The following LMBRD1 variants were observed in gnomAD, a reference collection of about 807,000 sequenced individuals.
The protein encoded by LMBRD1 is lysosomal cobalamin transport escort protein LMBD1.
Under a neutral mutation model 74.8 loss-of-function variants are expected in LMBRD1, and 64 were observed. That is an observed-to-expected ratio of 0.86 (90% CI 0.70 to 1.05). The LOEUF (loss-of-function observed/expected upper bound fraction) is 1.05, where lower values mean the gene tolerates loss of function less well. Among genes scored for constraint, LMBRD1 ranks in the 50% least tolerant of loss-of-function variants. The probability of loss-of-function intolerance (pLI) is 0.00; values close to 1 mark genes in which losing one functional copy is unlikely to be tolerated. For missense variants in LMBRD1, 652 were observed against 645.9 expected, an observed-to-expected ratio of 1.01 and a Z score of -0.10; for synonymous variants, 204 against 216.3, an observed-to-expected ratio of 0.94 and a Z score of 0.50.
In LMBRD1 at chr6:69,716,913, A is replaced by G. The variant is rs995129353; in HGVS notation, c.762+2043T>C. Among the ~76,000 whole-genome samples the G allele has an allele frequency of 9.3e-5, 14 of 151,228 alleles. No individual in the cohort carries two copies. The East Asian group carries it at 2.7e-3, about 29-fold the overall frequency. On this transcript the variant is annotated intron_variant, in intron 8 of 15. Transcript: ENST00000649934. ...TAATTAATTTTAAATATTAAAATACATATGTATTTATATGTACAGGCACAT... is the reference window on the plus strand; with the variant it reads ...TAATTAATTTTAAATATTAAAATACGTATGTATTTATATGTACAGGCACAT...
chr6:69,786,983 G>T (rs978213915), intron 2 of LMBRD1, among the ~76,000 whole-genome samples: 2 of 152,140 alleles, frequency 1.3e-5, no homozygotes, highest in African/African-American at 4.8e-5. Context: ...AATTTCAAAT[G>T]CACACTGTAA....
In LMBRD1 at chr6:69,749,892, ACTCATATATACATATAT is replaced by A. The variant is rs1562111589; in HGVS notation, c.406-501_406-485del. 6.9e-4 allele frequency among the ~76,000 whole-genome samples: 91 copies of A among 131,210 alleles called. 2 individuals are homozygous for A. Among genetic ancestry groups the A allele is most frequent in the African/African-American group, 2.3e-3 (66 of 29,078 alleles). 86.1% of individuals were successfully genotyped at this position (131,210 alleles called of 152,430 possible). A position where few individuals can be genotyped will look rare whatever the true frequency, so the allele number is the denominator to read the frequency against. On this transcript the variant is annotated intron_variant, in intron 4 of 15. Coordinates refer to ENST00000649934, the MANE Select transcript of LMBRD1 (RefSeq NM_018368.4). The stretch of plus-strand genomic sequence containing the variant: ...TATAAGTATATATACACATATACAT[ACTCATATATACATATAT>A]AAGTATATATACACATATACATACT...
chr6:69,749,254 T>C, intron 5 of LMBRD1, 87 bp downstream of exon 5: 3 of 1,062,000 alleles, frequency 2.8e-6, no homozygotes, highest in South Asian at 2.9e-5. Flanking sequence ...TTTTCTTTCC[T>C]AGATTTTTCT....
chr6:69,743,946 T>G (rs912122345), intron 5 of LMBRD1, among the ~76,000 whole-genome samples: 2 of 152,192 alleles, frequency 1.3e-5, no homozygotes, highest in Admixed American at 6.5e-5. Flanking sequence ...ATTGACCAAA[T>G]ATCAGCCCCA....
At chr6:69,743,001 A>C (rs1767137489) in intron 5 of LMBRD1, among the ~76,000 whole-genome samples, 1 of 152,150 alleles carries the variant, frequency 6.6e-6, no homozygotes, top group South Asian at 2.1e-4. Flanking sequence ...AGAGCAATAA[A>C]TGTAGAAAGT....
chr6:69,705,119 A>G (rs1048988852), intron 9 of LMBRD1, among the ~76,000 whole-genome samples: 3 of 152,126 alleles, frequency 2.0e-5, no homozygotes, highest in East Asian at 3.8e-4. Flanking sequence ...TTTAAAAACT[A>G]AACAGGCATT....
intron 7 of LMBRD1, among the ~76,000 whole-genome samples, chr6:69,728,335 A>G (rs1271274259): frequency 6.6e-6 from 1 of 152,222 alleles, no homozygotes; most frequent in African/African-American, 2.4e-5. Flanking sequence ...ATCACAATTC[A>G]ACATGAGATT....
intron 14 of LMBRD1, among the ~76,000 whole-genome samples, chr6:69,678,535 A>G (rs1001792456): frequency 1.3e-5 from 2 of 152,186 alleles, no homozygotes; most frequent in African/African-American, 4.8e-5. Context: ...GCTGCATCTA[A>G]TAGAGGATAC....
chr6:69,777,500 A>G (rs935402332), intron 3 of LMBRD1, among the ~76,000 whole-genome samples: 3 of 151,722 alleles, frequency 2.0e-5, no homozygotes, highest in Non-Finnish European at 4.4e-5. Context: ...TTGGGAGTTC[A>G]GTGCTGCTAA....
intron 2 of LMBRD1, among the ~76,000 whole-genome samples, chr6:69,781,085 C>A (rs1164308864): frequency 6.6e-6 from 1 of 152,064 alleles, no homozygotes; most frequent in South Asian, 2.1e-4. Context: ...ATGCAGAGAG[C>A]AACAAACCTG....
rs1413737072 is a variant in LMBRD1 at position 69,674,036 on chromosome 6, C to T, written c.*2122G>A. Among the ~76,000 whole-genome samples the T allele has an allele frequency of 6.6e-6, 1 of 152,154 alleles. No individual in the cohort carries two copies. The highest frequency in any genetic ancestry group is 1.5e-5 in the Non-Finnish European group (1 of 68,022). ...GGCTTAAACAACAGAAATTTATTTT[C>T]TCACAGATCTGGAAGCTGGAACCTC... On this transcript the variant is annotated 3_prime_UTR_variant, in exon 16 of 16. Coordinates refer to ENST00000649934, the MANE Select transcript of LMBRD1 (RefSeq NM_018368.4).
intron 14 of LMBRD1, among the ~76,000 whole-genome samples, chr6:69,687,990 A>G (rs1765798992): frequency 2.0e-5 from 3 of 152,150 alleles, no homozygotes; most frequent in Admixed American, 1.3e-4. Flanking sequence ...TGTGAAGTAG[A>G]TAGTCCATAT....
At position 69,753,910 on chromosome 6, in the gene LMBRD1, C is replaced by T. The variant is rs375257886; in HGVS notation, c.308-1554G>A. Among the ~76,000 whole-genome samples the T allele has an allele frequency of 3.2e-4, 49 of 150,854 alleles. 1 individual carries two copies. The East Asian group carries it at 8.1e-3, about 25-fold the overall frequency. ...GAGCCGAGATCGCGCCACTGCACTC[C>T]AGCCTGGGCGAGAGAGAGACTCCGT... On this transcript the variant is annotated intron_variant, in intron 3 of 15. Coordinates refer to ENST00000649934, the MANE Select transcript of LMBRD1 (RefSeq NM_018368.4).
chr6:69,686,313 G>C (rs894672307), intron 14 of LMBRD1, among the ~76,000 whole-genome samples: 4 of 150,856 alleles, frequency 2.7e-5, no homozygotes, highest in African/African-American at 9.7e-5. Context: ...TTGACCTTGA[G>C]GTAACACCCT....
intron 7 of LMBRD1, among the ~76,000 whole-genome samples, chr6:69,728,087 T>C (rs1354863149): frequency 6.6e-6 from 1 of 152,158 alleles, no homozygotes; most frequent in Non-Finnish European, 1.5e-5. Flanking sequence ...ACAGGAAGCA[T>C]GGTTAGGGAC....
At chr6:69,728,214 A>G (rs944467182) in intron 7 of LMBRD1, among the ~76,000 whole-genome samples, 1 of 152,106 alleles carries the variant, frequency 6.6e-6, no homozygotes, top group Admixed American at 6.6e-5. Context: ...AAACACCCAG[A>G]TCTCGTGAGA....
intron 3 of LMBRD1, among the ~76,000 whole-genome samples, chr6:69,757,990 C>T (rs1011863668): frequency 2.0e-5 from 3 of 151,976 alleles, no homozygotes; most frequent in East Asian, 1.9e-4. Context: ...AACAACTTAT[C>T]GAGAACTAGC....
chr6:69,708,743 CAT>C (rs1052759294), intron 9 of LMBRD1, among the ~76,000 whole-genome samples: 12 of 151,648 alleles, frequency 7.9e-5, no homozygotes, highest in Non-Finnish European at 4.4e-5. Context: ...ATAAGACAAA[CAT>C]GAATTATAGT....
chr6:69,721,133 C>T (rs1562098679), intron 7 of LMBRD1, among the ~76,000 whole-genome samples: 1 of 152,176 alleles, frequency 6.6e-6, no homozygotes, highest in Non-Finnish European at 1.5e-5. Context: ...GGGCAAAATG[C>T]TCTGGAATCC....
Sources: allele counts gnomAD v4.1 joint callset (sites outside exome capture counted in the v4.1 genomes callset), GRCh38; gene constraint gnomAD v4.1.1; transcripts MANE v1.5; gene names NCBI Gene and HGNC (gene_info 2026-07-23, HGNC 2026-07-21).